The following GRIK2 variants were observed in gnomAD, a reference collection of about 807,000 sequenced individuals.
GRIK2 encodes the protein glutamate ionotropic receptor kainate type subunit 2.
Under a neutral mutation model 100.3 loss-of-function variants are expected in GRIK2, and 32 were observed. The ratio of observed to expected loss-of-function variants is 0.32; its 90% CI spans 0.24 to 0.43. GRIK2 has a LOEUF of 0.43. Ranked by LOEUF, GRIK2 falls within the 20% of genes least tolerant of loss-of-function variation. The pLI, the probability that GRIK2 is intolerant of heterozygous loss-of-function variation, is 1.00. For synonymous variants in GRIK2, 417 were observed against 389.4 expected (o/e 1.07, Z -0.83); for missense variants, 843 against 1,114.9 (o/e 0.76, Z 3.47).
chr6:102,046,992 G>A (rs1770924162), intron 15 of GRIK2, among the ~76,000 whole-genome samples: 1 of 152,038 alleles, frequency 6.6e-6, no homozygotes, highest in South Asian at 2.1e-4. Flanking sequence ...CAAAAGGAGT[G>A]TTAAAAAATA....
At chr6:102,018,940 T>G (rs570959772) in intron 14 of GRIK2, among the ~76,000 whole-genome samples, 1 of 139,116 alleles carries the variant, frequency 7.2e-6, no homozygotes, top group African/African-American at 2.5e-5. Flanking sequence ...TGTCATTTTC[T>G]TTTGTTTAAA....
intron 4 of GRIK2, among the ~76,000 whole-genome samples, chr6:101,649,044 C>G (rs545167842): frequency 6.6e-6 from 1 of 152,102 alleles, no homozygotes; most frequent in Admixed American, 6.6e-5. Context: ...TTGGCCACAC[C>G]CTTGACACGT....
rs1772852813 is a variant in GRIK2 at position 101,700,978 on chromosome 6, CCG to C, written c.951+14626_951+14627del. ...ACTAGGAAGACTCTAGTGCTTTTCA[CCG>C]AAGTGGGGCTATTGCAAAAGCAGGG... On this transcript the variant is annotated intron_variant, in intron 7 of 16. Coordinates refer to ENST00000369134, the MANE Select transcript of GRIK2 (RefSeq NM_021956.5). 2.0e-5 allele frequency among the ~76,000 whole-genome samples: 3 copies of C among 152,208 alleles called. No homozygotes were observed. The South Asian group carries it at 6.2e-4, about 32-fold the overall frequency.
At chr6:101,604,327 T>C (rs923959748) in intron 2 of GRIK2, among the ~76,000 whole-genome samples, 1 of 151,838 alleles carries the variant, frequency 6.6e-6, no homozygotes, top group Non-Finnish European at 1.5e-5. Context: ...TATGGATATA[T>C]CCAATGGATG....
chr6:101,886,429 A>G (rs951072747), intron 11 of GRIK2, among the ~76,000 whole-genome samples: 11 of 151,992 alleles, frequency 7.2e-5, no homozygotes, highest in African/African-American at 2.7e-4. Context: ...TTATAGTATT[A>G]CATAATTTCT....
intron 7 of GRIK2, among the ~76,000 whole-genome samples, chr6:101,758,861 T>A (rs1777305119): frequency 1.3e-5 from 2 of 150,758 alleles, no homozygotes; most frequent in African/African-American, 4.9e-5. Context: ...GGAGACAAAA[T>A]AAATAAACTT....
chr6:101,559,568 T>C (rs1192300124), intron 2 of GRIK2, among the ~76,000 whole-genome samples: 1 of 152,154 alleles, frequency 6.6e-6, no homozygotes, highest in Non-Finnish European at 1.5e-5. Context: ...AGACAGGGAC[T>C]TCACTATATT....
intron 7 of GRIK2, among the ~76,000 whole-genome samples, chr6:101,711,213 G>A (rs1280243745): frequency 6.6e-6 from 1 of 151,782 alleles, no homozygotes; most frequent in Non-Finnish European, 1.5e-5. Context: ...GAATGTTTAT[G>A]ACTAAAATTA....
intron 2 of GRIK2, among the ~76,000 whole-genome samples, chr6:101,545,716 TC>T (rs1046390477): frequency 3.0e-4 from 46 of 152,296 alleles, no homozygotes; most frequent in African/African-American, 1.0e-3. Flanking sequence ...TAATTTTGAC[TC>T]AACTTGAAAG....
chr6:101,765,094 A>G (rs1777963220), intron 7 of GRIK2, among the ~76,000 whole-genome samples: 1 of 152,064 alleles, frequency 6.6e-6, no homozygotes, highest in Non-Finnish European at 1.5e-5. Flanking sequence ...CCTAACTCTT[A>G]GACTTCTTTA....
intron 14 of GRIK2, among the ~76,000 whole-genome samples, chr6:102,002,319 CTATA>C (rs913023110): frequency 1.4e-5 from 2 of 145,136 alleles, no homozygotes; most frequent in Non-Finnish European, 3.0e-5. Flanking sequence ...TATATACATA[CTATA>C]TATATTATAT....
At chr6:101,829,751 C>T (rs1298155492) in intron 10 of GRIK2, among the ~76,000 whole-genome samples, 1 of 151,770 alleles carries the variant, frequency 6.6e-6, no homozygotes, top group Non-Finnish European at 1.5e-5. Flanking sequence ...ACAACAAAAT[C>T]ACGCTGAAAG....
chr6:101,783,797 G>A (rs573819971), intron 7 of GRIK2, among the ~76,000 whole-genome samples: 7 of 152,252 alleles, frequency 4.6e-5, no homozygotes, highest in Admixed American at 2.0e-4. Context: ...GAGACTGCTT[G>A]CATTTTGCCC....
chr6:101,843,255 A>C (rs981322866), intron 10 of GRIK2, among the ~76,000 whole-genome samples: 2 of 152,202 alleles, frequency 1.3e-5, no homozygotes, highest in Non-Finnish European at 2.9e-5. Context: ...GGTAATCAGC[A>C]ATAATTATAT....
chr6:101,665,656 C>T (rs754041994), intron 4 of GRIK2, among the ~76,000 whole-genome samples: 3 of 152,054 alleles, frequency 2.0e-5, no homozygotes, highest in Non-Finnish European at 4.4e-5. Context: ...TATATAGGAG[C>T]AATACTAGTT....
chr6:101,451,703 GGGGGT>G (rs1178008922), intron 2 of GRIK2, among the ~76,000 whole-genome samples: 3 of 138,372 alleles, frequency 2.2e-5, no homozygotes, highest in Non-Finnish European at 3.2e-5. Context: ...TGAGGGGGGG[GGGGGT>G]GCCAAATACC....
At chr6:101,623,996 A>G (rs532473772) in intron 3 of GRIK2, among the ~76,000 whole-genome samples, 71 of 152,202 alleles carry the variant, frequency 4.7e-4, no homozygotes, top group African/African-American at 1.6e-3. Flanking sequence ...AACTTTAGAT[A>G]TTTTAAAAAT....
Position 101,706,570 on chromosome 6 carries a change from C to A in GRIK2, c.951+20217C>A, listed in dbSNP as rs531862596. On this transcript the variant is annotated intron_variant, in intron 7 of 16. Transcript: ENST00000369134. ...CACAACAGATTTATTGGCAGATATG[C>A]CTGTGAAAGATAAACAGGCAGGAGG... Among the ~76,000 whole-genome samples, 79 of 151,950 alleles carry A rather than the reference C, an allele frequency of 5.2e-4. 1 individual carries two copies. The South Asian group carries it at 0.015, about 29-fold the overall frequency.
At position 101,891,384 on chromosome 6, in the gene GRIK2, G is replaced by A. The variant is rs192530827; in HGVS notation, c.1748+1521G>A. Among the ~76,000 whole-genome samples the A allele has an allele frequency of 2.7e-3, 406 of 151,646 alleles. 2 individuals carry two copies. Among genetic ancestry groups the A allele is most frequent in the African/African-American group, 9.5e-3 (393 of 41,216 alleles). ...ATACAAAAATTAACTGGGCGTGGTG[G>A]TGTGCACCTGTAGTCCCAGATACTT... is the stretch of plus-strand genomic sequence containing the variant. On this transcript the variant is annotated intron_variant, in intron 12 of 16. Transcript: ENST00000369134.
Sources: gnomAD v4.1 joint callset for allele counts (sites outside exome capture counted in the v4.1 genomes callset) on GRCh38, gnomAD v4.1.1 for gene constraint, MANE v1.5 for transcripts, NCBI Gene and HGNC (gene_info 2026-07-23, HGNC 2026-07-21) for gene names.